Variants in LRPAP1 observed in about 807,000 individuals in gnomAD.
LRPAP1 encodes alpha-2-macroglobulin receptor-associated protein.
In LRPAP1, 41 loss-of-function variants were observed where a neutral mutation model predicts 39.9. The ratio of observed to expected loss-of-function variants is 1.03; its 90% CI spans 0.80 to 1.33. LRPAP1 has a LOEUF of 1.33. LRPAP1 is among the 40% of genes most tolerant of loss of function. LRPAP1 has a pLI of 0.00. For synonymous variants in LRPAP1, 263 were observed against 212.7 expected, an observed-to-expected ratio of 1.24 and a Z score of -2.06; for missense variants, 565 against 482.3, an observed-to-expected ratio of 1.17 and a Z score of -1.61.
intron 4 of LRPAP1, 85 bp from the exon 5 acceptor site, chr4:3,518,277 G>A: frequency 7.0e-7 from 1 of 1,428,926 alleles, no homozygotes; most frequent in Non-Finnish European, 9.4e-7. Context: ...CCACTGCTGG[G>A]GAGCTCAAAC....
Position 3,518,173 on chromosome 4 carries a change from A to G in LRPAP1, c.612T>C (p.Ile204=), listed in dbSNP as rs1193734764. The change falls in exon 5 of 8, where the codon ATT becomes ATC. Residue 204 remains isoleucine (I), a synonymous_variant. Transcript: ENST00000650182. ...SRTEEIHENV[I]SPSDLSDIKG... ...TGATGTCGCTCAGGTCCGAGGGGCT[A>G]ATGACGTTCTCGTGGATTTCTGTAA... 1.6e-5 allele frequency: 26 copies of G among 1,611,276 alleles called. No homozygotes were observed. Among genetic ancestry groups the G allele is most frequent in the Non-Finnish European group, 2.2e-5 (26 of 1,178,332 alleles).
chr4:3,514,744 G>A lies in LRPAP1; in HGVS notation c.1011+8C>T, dbSNP rs772635125. 13 of 1,594,794 alleles carry A rather than the reference G, an allele frequency of 8.2e-6. No homozygotes were observed. Among genetic ancestry groups the A allele is most frequent in the African/African-American group, 5.4e-5 (4 of 74,610 alleles). ...TGTGGCCTCCCCGGTCCTGGAACCC[G>A]TGCGCACCGTGTAGCCCAGCTCCTT... On this transcript the variant is annotated splice_region_variant and intron_variant, in intron 7 of 7. Transcript: ENST00000650182.
At chr4:3,514,224 T>C (rs1729623029) in intron 7 of LRPAP1, among the ~76,000 whole-genome samples, 1 of 152,256 alleles carries the variant, frequency 6.6e-6, no homozygotes, top group African/African-American at 2.4e-5. Flanking sequence ...CGGTAACACA[T>C]GCCTGCAGTT....
chr4:3,505,846 T>C lies in LRPAP1; in HGVS notation c.*7128A>G, dbSNP rs868555385. ...AAGCCATCAAGTTCCTGGGTAGAGATGACCTTTCAGATGGATGCTGACCCA... is the reference window on the plus strand; with the variant it reads ...AAGCCATCAAGTTCCTGGGTAGAGACGACCTTTCAGATGGATGCTGACCCA... On this transcript the variant is annotated 3_prime_UTR_variant, in exon 8 of 8. Coordinates refer to ENST00000650182, the MANE Select transcript of LRPAP1 (RefSeq NM_002337.4). Among the ~76,000 whole-genome samples the C allele has an allele frequency of 2.0e-5, 3 of 152,204 alleles. No individual in the cohort carries two copies. Among genetic ancestry groups the C allele is most frequent in the Admixed American group, 6.5e-5 (1 of 15,290 alleles).
intron 5 of LRPAP1, among the ~76,000 whole-genome samples, chr4:3,517,319 C>G (rs566720384): frequency 6.6e-6 from 1 of 152,242 alleles, no homozygotes; most frequent in Non-Finnish European, 1.5e-5. Flanking sequence ...TGCCTGGCAC[C>G]GGGGACAGAG....
intron 1 of LRPAP1, among the ~76,000 whole-genome samples, chr4:3,531,649 G>A (rs769154117): frequency 7.9e-5 from 12 of 152,180 alleles, no homozygotes; most frequent in Non-Finnish European, 1.5e-4. Context: ...ATGAAGGAGA[G>A]GTCAGGTGAG....
At chr4:3,513,870 C>A (rs1171483712) in intron 7 of LRPAP1, among the ~76,000 whole-genome samples, 1 of 152,258 alleles carries the variant, frequency 6.6e-6, no homozygotes, top group African/African-American at 2.4e-5. Flanking sequence ...CATAGAAGCC[C>A]GTGGCTCAGG....
rs1454009105 is a variant in LRPAP1, at chr4:3,505,839, G to C, written c.*7135C>G. Among the ~76,000 whole-genome samples the C allele has an allele frequency of 6.6e-6, 1 of 152,216 alleles. No individual in the cohort carries two copies. The highest frequency in any genetic ancestry group is 1.5e-5 in the Non-Finnish European group (1 of 68,044). On this transcript the variant is annotated 3_prime_UTR_variant, in exon 8 of 8. Transcript: ENST00000650182. Reference sequence around the variant, plus strand: ...GAGCTGGAAGCCATCAAGTTCCTGGGTAGAGATGACCTTTCAGATGGATGC... The same window carrying C: ...GAGCTGGAAGCCATCAAGTTCCTGGCTAGAGATGACCTTTCAGATGGATGC...
intron 1 of LRPAP1, among the ~76,000 whole-genome samples, chr4:3,526,807 G>T (rs1204294369): frequency 6.6e-6 from 1 of 152,202 alleles, no homozygotes; most frequent in Non-Finnish European, 1.5e-5. Flanking sequence ...CTGACCACAG[G>T]CCCTGTCTCC....
intron 3 of LRPAP1, among the ~76,000 whole-genome samples, chr4:3,519,453 C>T (rs921528567): frequency 2.6e-5 from 4 of 152,240 alleles, no homozygotes; most frequent in African/African-American, 4.8e-5. Context: ...CTCTCTGCCC[C>T]CTTCTACCGA....
At chr4:3,530,605 G>A (rs1254137437) in intron 1 of LRPAP1, among the ~76,000 whole-genome samples, 1 of 152,224 alleles carries the variant, frequency 6.6e-6, no homozygotes, top group Non-Finnish European at 1.5e-5. Context: ...AGGTTTAGGA[G>A]ACATGACCCA....
At chr4:3,523,149 C>A (rs900906964) in intron 2 of LRPAP1, among the ~76,000 whole-genome samples, 1 of 152,188 alleles carries the variant, frequency 6.6e-6, no homozygotes, top group Non-Finnish European at 1.5e-5. Context: ...AAGGACACTG[C>A]CTGGCCTGCA....
chr4:3,517,101 G>A (rs556700105), intron 5 of LRPAP1, among the ~76,000 whole-genome samples: 2 of 127,036 alleles, frequency 1.6e-5, no homozygotes, highest in South Asian at 3.0e-4. Flanking sequence ...CCAGCACTAC[G>A]GCCAAAAGCC....
At chr4:3,523,444 A>C (rs1192898256) in intron 2 of LRPAP1, among the ~76,000 whole-genome samples, 1 of 152,210 alleles carries the variant, frequency 6.6e-6, no homozygotes, top group Non-Finnish European at 1.5e-5. Flanking sequence ...ACCAGCAAAA[A>C]TGAAGCCGGC....
intron 6 of LRPAP1, among the ~76,000 whole-genome samples, chr4:3,515,530 T>C (rs1399556388): frequency 6.6e-6 from 1 of 151,964 alleles, no homozygotes; most frequent in Admixed American, 6.5e-5. Flanking sequence ...CCCACCTCCC[T>C]CCCAACAGAC....
chr4:3,530,353 C>G (rs1421784213), intron 1 of LRPAP1, among the ~76,000 whole-genome samples: 1 of 152,218 alleles, frequency 6.6e-6, no homozygotes, highest in Non-Finnish European at 1.5e-5. Context: ...AAAATCAGGA[C>G]GAATGGGCTC....
chr4:3,529,238 G>T (rs563424719), intron 1 of LRPAP1, among the ~76,000 whole-genome samples: 1 of 151,998 alleles, frequency 6.6e-6, no homozygotes, highest in African/African-American at 2.4e-5. Context: ...CACGAGAATC[G>T]CTTGAACCTG....
At chr4:3,516,262 G>A (rs912653481) in intron 5 of LRPAP1, 64 bp from the exon 6 acceptor site, 26 of 1,314,682 alleles carry the variant, frequency 2.0e-5, no homozygotes, top group Non-Finnish European at 2.5e-5. Context: ...CCAGCCCCGC[G>A]GCAACCACGC....
Position 3,514,932 on chromosome 4 carries a change from GA to G in LRPAP1, c.835-5del. The G allele has an allele frequency of 6.2e-7, 1 of 1,613,308 alleles. No homozygotes were observed. Among genetic ancestry groups the G allele is most frequent in the East Asian group, 2.2e-5 (1 of 44,860 alleles). On this transcript the variant is annotated splice_region_variant and splice_polypyrimidine_tract_variant and intron_variant, in intron 6 of 7. Transcript: ENST00000650182. ...CTTCGAAGTGCTTGAGCTCCTCCTG[GA>G]ACAAGGTTTCCATAGGTGAGTGTTC...
Sources: gnomAD v4.1 joint callset for allele counts (sites outside exome capture counted in the v4.1 genomes callset) on GRCh38, gnomAD v4.1.1 for gene constraint, MANE v1.5 for transcripts, NCBI Gene and HGNC (gene_info 2026-07-23, HGNC 2026-07-21) for gene names.